SMS: variants seen among roughly 807,000 people sequenced by gnomAD.
SMS encodes spermidine aminopropyltransferase.
Under a neutral mutation model 33.0 loss-of-function variants are expected in SMS, and 3 were observed. The ratio of observed to expected loss-of-function variants is 0.09; its 90% CI spans 0.04 to 0.23. The LOEUF is 0.23. SMS is among the 10% of genes least tolerant of loss of function. The pLI, the probability that SMS is intolerant of heterozygous loss-of-function variation, is 1.00. For missense variants in SMS, 117 were observed against 288.6 expected (o/e 0.41, Z 4.31); for synonymous variants, 103 against 112.2 (o/e 0.92, Z 0.52).
At chrX:21,989,301 C>T (rs1039903017) in intron 9 of SMS, among the ~76,000 whole-genome samples, 8 of 110,838 alleles carry the variant, frequency 7.2e-5, no homozygotes, top group African/African-American at 2.6e-4. Context: ...GTCACCTGTC[C>T]ACACCTAACA....
chrX:21,943,360 C>T (rs1347321244), intron 1 of SMS, among the ~76,000 whole-genome samples: 3 of 111,815 alleles, frequency 2.7e-5, no homozygotes, highest in African/African-American at 6.5e-5. Context: ...GGGGCTGACA[C>T]TGTCCAGGAG....
intron 2 of SMS, 34 bp downstream of exon 2, chrX:21,967,350 G>C: frequency 1.7e-6 from 2 of 1,200,282 alleles, no homozygotes; most frequent in Non-Finnish European, 2.3e-6. Flanking sequence ...TTCATACCTG[G>C]TCACTTATGA....
chrX:21,975,795 G>A (rs1316955140), intron 4 of SMS, among the ~76,000 whole-genome samples: 3 of 110,688 alleles, frequency 2.7e-5, no homozygotes, highest in Non-Finnish European at 3.8e-5. Context: ...ATAGATGTTA[G>A]TATTCCCTCA....
intron 2 of SMS, 61 bp from the exon 3 acceptor site, chrX:21,971,836 C>G (rs1924178141): frequency 2.6e-6 from 2 of 765,493 alleles, no homozygotes; most frequent in Admixed American, 4.6e-5. Context: ...CTCTCTCTCT[C>G]TCTTTTTTTT....
intron 4 of SMS, 86 bp downstream of exon 4, chrX:21,972,657 C>T (rs188103923): frequency 2.6e-5 from 17 of 660,724 alleles, no homozygotes; most frequent in East Asian, 1.0e-4. Context: ...ACCTGTAATC[C>T]CAGCAATTTA....
At chrX:21,973,929 A>G (rs1197838163) in intron 4 of SMS, among the ~76,000 whole-genome samples, 1 of 113,072 alleles carries the variant, frequency 8.8e-6, no homozygotes, top group Non-Finnish European at 1.9e-5. Flanking sequence ...TGTCTGGTAC[A>G]TCATGGGAAT....
chrX:21,959,827 G>A (rs745508121), intron 1 of SMS: 1 of 506,435 alleles, frequency 2.0e-6, no homozygotes, highest in Non-Finnish European at 2.4e-6. Flanking sequence ...GGATGCCTGC[G>A]TTTGTGCTTC....
intron 1 of SMS, among the ~76,000 whole-genome samples, chrX:21,961,751 G>C (rs1923370662): frequency 8.9e-6 from 1 of 112,052 alleles, no homozygotes; most frequent in African/African-American, 3.2e-5. Context: ...TTGTTCAGTA[G>C]ACAAAGGACA....
chrX:21,990,806 A>G (rs923001144), intron 9 of SMS, among the ~76,000 whole-genome samples: 5 of 112,976 alleles, frequency 4.4e-5, no homozygotes, highest in African/African-American at 1.6e-4. Context: ...TTCTAAAAAC[A>G]ACTGGGCAGT....
At chrX:21,981,567 A>C (rs139117497) in intron 7 of SMS, among the ~76,000 whole-genome samples, 290 of 112,013 alleles carry the variant, frequency 2.6e-3, no homozygotes, top group Non-Finnish European at 4.4e-3. Context: ...GGACCTAGGA[A>C]TGTCAAAGGA....
intron 7 of SMS, among the ~76,000 whole-genome samples, chrX:21,979,735 G>A (rs1195759215): frequency 9.1e-6 from 1 of 109,789 alleles, no homozygotes; most frequent in African/African-American, 3.3e-5. Context: ...GTGATCGCTG[G>A]GTCAAATGGT....
At chrX:21,980,052 T>A (rs1401545585) in intron 7 of SMS, among the ~76,000 whole-genome samples, 1 of 110,360 alleles carries the variant, frequency 9.1e-6, no homozygotes, top group Non-Finnish European at 1.9e-5. Flanking sequence ...ATGTACAAAA[T>A]TTCCAAGTAA....
intron 1 of SMS, among the ~76,000 whole-genome samples, chrX:21,961,440 G>A: frequency 9.0e-6 from 1 of 110,536 alleles, no homozygotes; most frequent in Non-Finnish European, 1.9e-5. Context: ...TTGGAACAGT[G>A]CTGGGAGCAG....
intron 7 of SMS, among the ~76,000 whole-genome samples, chrX:21,979,320 C>T (rs1331407473): frequency 1.8e-5 from 2 of 110,378 alleles, no homozygotes; most frequent in African/African-American, 3.3e-5. Flanking sequence ...GCCCTGCATG[C>T]GTTAGGTATT....
intron 10 of SMS, among the ~76,000 whole-genome samples, chrX:21,993,611 G>A (rs1407511010): frequency 4.5e-5 from 5 of 112,145 alleles, no homozygotes; most frequent in Non-Finnish European, 7.5e-5. Flanking sequence ...AGACCAGATG[G>A]CCAGCAAGAG....
intron 1 of SMS, among the ~76,000 whole-genome samples, chrX:21,941,618 G>T: frequency 9.0e-6 from 1 of 110,801 alleles, no homozygotes; most frequent in Non-Finnish European, 1.9e-5. Context: ...CGGGCGCGGT[G>T]GCTCACGCCT....
At chrX:21,965,992 C>A (rs1431270867) in intron 1 of SMS, among the ~76,000 whole-genome samples, 2 of 111,303 alleles carry the variant, frequency 1.8e-5, no homozygotes, top group Non-Finnish European at 3.8e-5. Context: ...CAGAATAAGT[C>A]ATATCTGTCC....
At chrX:21,945,505 C>A (rs1199592477) in intron 1 of SMS, among the ~76,000 whole-genome samples, 1 of 110,531 alleles carries the variant, frequency 9.0e-6, no homozygotes, top group Non-Finnish European at 1.9e-5. Flanking sequence ...TTCTTTTGTA[C>A]CCTTGACCCT....
intron 1 of SMS, among the ~76,000 whole-genome samples, chrX:21,960,912 T>C (rs757768436): frequency 3.6e-5 from 4 of 111,520 alleles, no homozygotes; most frequent in Admixed American, 9.6e-5. Flanking sequence ...TATTGTTTTT[T>C]GTCTTTCTGG....
Sources: gnomAD v4.1 joint callset for allele counts (sites outside exome capture counted in the v4.1 genomes callset) on GRCh38, gnomAD v4.1.1 for gene constraint, MANE v1.5 for transcripts, NCBI Gene and HGNC (gene_info 2026-07-23, HGNC 2026-07-21) for gene names.